The following GRM8 variants were observed in gnomAD, a reference collection of about 807,000 sequenced individuals.
GRM8 encodes metabotropic glutamate receptor 8.
A neutral mutation model predicts 87.2 loss-of-function variants in GRM8; 47 were observed. The ratio of observed to expected loss-of-function variants is 0.54; its 90% CI spans 0.43 to 0.69. GRM8 has a LOEUF of 0.69. Among genes scored for constraint, GRM8 ranks in the 30% least tolerant of loss-of-function variants. The pLI, the probability that GRM8 is intolerant of heterozygous loss-of-function variation, is 0.00. For synonymous variants in GRM8, 396 were observed against 404.5 expected (o/e 0.98, Z 0.25); for missense variants, 1,019 against 1,139.2 (o/e 0.89, Z 1.52).
At chr7:126,930,946 T>C (rs1805701426) in intron 3 of GRM8, among the ~76,000 whole-genome samples, 1 of 152,166 alleles carries the variant, frequency 6.6e-6, no homozygotes, top group Non-Finnish European at 1.5e-5. Context: ...TCACTTCTGC[T>C]TCCACCTCTC....
At chr7:126,465,926 T>C (rs965991619) in intron 9 of GRM8, among the ~76,000 whole-genome samples, 1 of 151,990 alleles carries the variant, frequency 6.6e-6, no homozygotes, top group Non-Finnish European at 1.5e-5. Flanking sequence ...AGCAATTCAC[T>C]GTTAAGTGTA....
intron 7 of GRM8, among the ~76,000 whole-genome samples, chr7:126,646,230 GAGA>G (rs982438163): frequency 6.8e-6 from 1 of 147,626 alleles, no homozygotes; most frequent in Non-Finnish European, 1.5e-5. Context: ...GTGGAAGAGA[GAGA>G]AGAAGAAAAG....
chr7:126,911,117 T>A (rs13308565), intron 3 of GRM8, among the ~76,000 whole-genome samples: 4 of 152,342 alleles, frequency 2.6e-5, no homozygotes, highest in African/African-American at 9.6e-5. Flanking sequence ...CATTCAGCCC[T>A]AAAACACAGG....
intron 7 of GRM8, among the ~76,000 whole-genome samples, chr7:126,618,872 C>A (rs1220863040): frequency 1.3e-5 from 2 of 152,112 alleles, no homozygotes; most frequent in Admixed American, 6.5e-5. Context: ...AGTCAGGAAA[C>A]AACAGGTGAT....
chr7:127,226,776 G>A (rs1797355097), intron 2 of GRM8, among the ~76,000 whole-genome samples: 1 of 152,200 alleles, frequency 6.6e-6, no homozygotes. Flanking sequence ...TGCAATGCAG[G>A]GCTCATGTTC....
At chr7:127,017,348 T>C (rs11563788) in intron 3 of GRM8, among the ~76,000 whole-genome samples, 8,406 of 152,066 alleles carry the variant, frequency 0.055, 279 homozygotes, top group South Asian at 0.13. Flanking sequence ...ATGGAGAACA[T>C]TGATCAGCTG....
intron 3 of GRM8, among the ~76,000 whole-genome samples, chr7:127,082,921 C>A (rs755605795): frequency 2.0e-5 from 3 of 152,154 alleles, no homozygotes; most frequent in Non-Finnish European, 4.4e-5. Context: ...GGGATCGGAA[C>A]CCAGGCAGCA....
chr7:126,640,376 T>G (rs3824019), intron 7 of GRM8, among the ~76,000 whole-genome samples: 46,792 of 151,970 alleles, frequency 0.31, 8,073 homozygotes, highest in East Asian at 0.43. Context: ...GGATAAAATA[T>G]TATTTCAAAC....
intron 10 of GRM8, among the ~76,000 whole-genome samples, chr7:126,440,335 C>T (rs939992977): frequency 1.4e-5 from 2 of 143,658 alleles, no homozygotes; most frequent in Non-Finnish European, 1.5e-5. Flanking sequence ...TTGCTTGAAC[C>T]GAGAGGCAGA....
intron 9 of GRM8, among the ~76,000 whole-genome samples, chr7:126,452,300 G>A (rs1312880508): frequency 7.9e-6 from 1 of 125,984 alleles, no homozygotes; most frequent in African/African-American, 2.9e-5. Context: ...GGGGGGAGGG[G>A]GGAGGGATAG....
chr7:127,103,967 C>A (rs1393460145), intron 3 of GRM8, among the ~76,000 whole-genome samples: 1 of 152,190 alleles, frequency 6.6e-6, no homozygotes, highest in Non-Finnish European at 1.5e-5. Flanking sequence ...GCAAAGGACA[C>A]TTTCCCAAGT....
intron 10 of GRM8, among the ~76,000 whole-genome samples, chr7:126,443,919 G>C (rs1475203927): frequency 6.6e-6 from 1 of 151,854 alleles, no homozygotes; most frequent in Non-Finnish European, 1.5e-5. Flanking sequence ...GTTTTTCAGG[G>C]CATGTATTTA....
intron 2 of GRM8, among the ~76,000 whole-genome samples, chr7:127,204,055 G>T (rs1795770527): frequency 6.6e-6 from 1 of 152,156 alleles, no homozygotes; most frequent in African/African-American, 2.4e-5. Context: ...TAACTGTGGA[G>T]TTTATTAATT....
intron 7 of GRM8, among the ~76,000 whole-genome samples, chr7:126,734,304 A>G (rs1813949731): frequency 2.0e-5 from 3 of 151,934 alleles, no homozygotes. Flanking sequence ...TTATATGTTC[A>G]AAAACAAAGC....
intron 2 of GRM8, among the ~76,000 whole-genome samples, chr7:127,148,886 T>G (rs1366524984): frequency 6.6e-6 from 1 of 152,054 alleles, no homozygotes; most frequent in Non-Finnish European, 1.5e-5. Context: ...GATTTCCACA[T>G]GGAAAAGAAT....
chr7:126,580,848 C>T (rs533855450), intron 8 of GRM8, among the ~76,000 whole-genome samples: 42 of 151,810 alleles, frequency 2.8e-4, no homozygotes, highest in Non-Finnish European at 5.3e-4. Flanking sequence ...AAATATTCTT[C>T]AAATAAAAAG....
chr7:126,752,522 C>T (rs941603474), intron 7 of GRM8, among the ~76,000 whole-genome samples: 39 of 152,038 alleles, frequency 2.6e-4, no homozygotes, highest in Non-Finnish European at 1.5e-5. Context: ...ATAGTACAGA[C>T]TCATGTAGAA....
chr7:127,240,796 C>T (rs577577822), intron 2 of GRM8, among the ~76,000 whole-genome samples: 16 of 152,092 alleles, frequency 1.1e-4, no homozygotes, highest in African/African-American at 3.9e-4. Context: ...CCATATGGCA[C>T]AGAACCGGGG....
intron 3 of GRM8, among the ~76,000 whole-genome samples, chr7:127,091,585 G>A (rs373856631): frequency 5.6e-5 from 5 of 89,308 alleles, no homozygotes; most frequent in South Asian, 5.1e-4. Flanking sequence ...CATCCCACTC[G>A]TCATCCCCCC....
Sources: allele counts gnomAD v4.1 joint callset (sites outside exome capture counted in the v4.1 genomes callset), GRCh38; gene constraint gnomAD v4.1.1; transcripts MANE v1.5; gene names NCBI Gene and HGNC (gene_info 2026-07-23, HGNC 2026-07-21).